The following SHC4 variants were observed in gnomAD, a reference collection of about 807,000 sequenced individuals.
The protein encoded by SHC4 is SHC adaptor protein 4, also known as SHC-transforming protein 4.
In SHC4, 41 loss-of-function variants were observed where a neutral mutation model predicts 69.4. That is an observed-to-expected ratio of 0.59 (90% CI 0.46 to 0.77). The LOEUF (loss-of-function observed/expected upper bound fraction) is 0.77, where lower values mean the gene tolerates loss of function less well. Among genes scored for constraint, SHC4 ranks in the 30% least tolerant of loss-of-function variants. The probability of loss-of-function intolerance (pLI) is 0.00; values close to 1 mark genes in which losing one functional copy is unlikely to be tolerated. For missense variants in SHC4, 777 were observed against 783.8 expected (o/e 0.99, Z 0.10); for synonymous variants, 318 against 299.3 (o/e 1.06, Z -0.64).
chr15:48,904,045 T>A (rs1900362366), intron 2 of SHC4, among the ~76,000 whole-genome samples: 1 of 152,186 alleles, frequency 6.6e-6, no homozygotes, highest in Non-Finnish European at 1.5e-5. Context: ...TTCCTACAGA[T>A]TTATGAGTAT....
chr15:48,915,822 C>G (rs77809495), intron 2 of SHC4, among the ~76,000 whole-genome samples: 15,005 of 152,188 alleles, frequency 0.099, 852 homozygotes, highest in Middle Eastern at 0.18. Flanking sequence ...AACTTTAAAA[C>G]TCCTGATTTT....
intron 1 of SHC4, among the ~76,000 whole-genome samples, chr15:48,960,256 G>A (rs1236345136): frequency 2.6e-5 from 4 of 152,186 alleles, no homozygotes; most frequent in Non-Finnish European, 5.9e-5. Flanking sequence ...ATTTAAAATT[G>A]TACAGGTGTG....
At chr15:48,869,990 GA>G (rs1171259203) in intron 5 of SHC4, among the ~76,000 whole-genome samples, 1 of 152,124 alleles carries the variant, frequency 6.6e-6, no homozygotes, top group Non-Finnish European at 1.5e-5. Flanking sequence ...AAGAGAGTAT[GA>G]AAAAAATTAA....
rs1326893451 is a variant in SHC4 at position 48,834,847 on chromosome 15, T to C, written c.1659A>G (p.Thr553=). 6.2e-7 allele frequency: 1 copy of C among 1,614,060 alleles called. No individual in the cohort carries two copies. The highest frequency in any genetic ancestry group is 8.5e-7 in the Non-Finnish European group (1 of 1,180,030). Reference sequence around the variant, plus strand: ...CACTCAGCACATATTGGCCAGGGGATGTTGCACTCTCTCGAACCAAAAAGT... The same window carrying C: ...CACTCAGCACATATTGGCCAGGGGACGTTGCACTCTCTCGAACCAAAAAGT... ...DGDFLVRESA[T]SPGQYVLSGL... Residue 553 remains threonine, a synonymous_variant, in exon 11 of 12, where the codon ACA becomes ACG. Transcript: ENST00000332408.
chr15:48,826,992 C>G (rs1478765029), intron 11 of SHC4, among the ~76,000 whole-genome samples: 1 of 152,156 alleles, frequency 6.6e-6, no homozygotes, highest in Non-Finnish European at 1.5e-5. Flanking sequence ...TTATGGCATG[C>G]CTTCTATGGA....
chr15:48,838,784 G>A (rs1032166154), intron 10 of SHC4, among the ~76,000 whole-genome samples: 1 of 152,072 alleles, frequency 6.6e-6, no homozygotes. Context: ...TAGCATCAGG[G>A]AAAAGAGGAG....
intron 2 of SHC4, among the ~76,000 whole-genome samples, chr15:48,914,560 C>T (rs1363281640): frequency 6.6e-6 from 1 of 152,176 alleles, no homozygotes. Flanking sequence ...TTAGAAGAGG[C>T]CACTACACAC....
At chr15:48,916,627 A>T (rs1900627640) in intron 2 of SHC4, among the ~76,000 whole-genome samples, 1 of 151,846 alleles carries the variant, frequency 6.6e-6, no homozygotes, top group Non-Finnish European at 1.5e-5. Flanking sequence ...ATACACCACG[A>T]GGCACAGGTA....
chr15:48,835,241 G>C (rs1326909056), intron 10 of SHC4, among the ~76,000 whole-genome samples: 1 of 152,124 alleles, frequency 6.6e-6, no homozygotes, highest in Non-Finnish European at 1.5e-5. Flanking sequence ...TCTGTTACCA[G>C]GGAAGCCTTG....
intron 2 of SHC4, among the ~76,000 whole-genome samples, chr15:48,898,062 A>C (rs1900255693): frequency 6.6e-6 from 1 of 152,218 alleles, no homozygotes; most frequent in Non-Finnish European, 1.5e-5. Context: ...TGAGTAATTC[A>C]GACTGCACAT....
In SHC4 at chr15:48,889,385, G is replaced by A. The variant is rs549538581; in HGVS notation, c.720+1363C>T. On this transcript the variant is annotated intron_variant, in intron 3 of 11. Transcript: ENST00000332408. ...ATGAAGAATGATAACCAAAAATGGGGCAGAATGGTATAGAAATAGAGCCCT... is the reference window on the plus strand; with the variant it reads ...ATGAAGAATGATAACCAAAAATGGGACAGAATGGTATAGAAATAGAGCCCT... Among the ~76,000 whole-genome samples the A allele has an allele frequency of 2.6e-5, 4 of 152,316 alleles. No homozygotes were observed. In the South Asian group the frequency reaches 6.2e-4, roughly 24 times the overall value.
intron 7 of SHC4, 97 bp downstream of exon 7, chr15:48,857,595 C>A: frequency 9.0e-7 from 1 of 1,114,220 alleles, no homozygotes; most frequent in South Asian, 3.1e-5. Context: ...TTTTAAAATG[C>A]CACATTAATG....
intron 2 of SHC4, among the ~76,000 whole-genome samples, chr15:48,891,093 T>C (rs1900129262): frequency 6.6e-6 from 1 of 152,236 alleles, no homozygotes; most frequent in African/African-American, 2.4e-5. Context: ...ATTTTGTTTA[T>C]TGTGTTGTTG....
chr15:48,857,579 A>T, intron 7 of SHC4, 113 bp downstream of exon 7: 1 of 954,408 alleles, frequency 1.0e-6, no homozygotes, highest in Non-Finnish European at 1.4e-6. Context: ...TAATTTTATT[A>T]GTTCATTTTA....
chr15:48,826,186 A>T, intron 11 of SHC4, 60 bp from the exon 12 acceptor site: 1 of 1,493,104 alleles, frequency 6.7e-7, no homozygotes. Context: ...TGAAAGATAT[A>T]AATAATAAGG....
chr15:48,877,232 C>A, intron 4 of SHC4: 1 of 183,432 alleles, frequency 5.5e-6, no homozygotes, highest in Non-Finnish European at 1.1e-5. Context: ...TCGGGTGTCA[C>A]TGTGTCTCAT....
At chr15:48,895,793 T>C (rs1199920005) in intron 2 of SHC4, among the ~76,000 whole-genome samples, 1 of 152,172 alleles carries the variant, frequency 6.6e-6, no homozygotes, top group Non-Finnish European at 1.5e-5. Context: ...CTTTAAAAAG[T>C]AATAATTAGC....
At chr15:48,892,967 T>C (rs1900162160) in intron 2 of SHC4, among the ~76,000 whole-genome samples, 3 of 151,576 alleles carry the variant, frequency 2.0e-5, no homozygotes, top group Admixed American at 2.0e-4. Flanking sequence ...AATAAAAATA[T>C]AACAATAATT....
At chr15:48,858,351 T>C (rs1595734514) in intron 6 of SHC4, among the ~76,000 whole-genome samples, 1 of 152,134 alleles carries the variant, frequency 6.6e-6, no homozygotes, top group African/African-American at 2.4e-5. Flanking sequence ...ATTGCTATTA[T>C]AAAGCACTGA....
Sources: gnomAD v4.1 joint callset for allele counts (sites outside exome capture counted in the v4.1 genomes callset) on GRCh38, gnomAD v4.1.1 for gene constraint, MANE v1.5 for transcripts, NCBI Gene and HGNC (gene_info 2026-07-23, HGNC 2026-07-21) for gene names.